Variants in COL16A1 observed in about 807,000 individuals in gnomAD.
The protein encoded by COL16A1 is collagen alpha-1(XVI) chain.
COL16A1 carries 189 observed loss-of-function variants against 266.3 expected under a neutral mutation model. The ratio of observed to expected loss-of-function variants is 0.71; its 90% CI spans 0.63 to 0.80. The LOEUF is 0.80. COL16A1 is among the 30% of genes least tolerant of loss of function. COL16A1 has a pLI of 0.00. For synonymous variants in COL16A1, 740 were observed against 782.3 expected, an observed-to-expected ratio of 0.95 and a Z score of 0.90; for missense variants, 1,928 against 2,122.4, an observed-to-expected ratio of 0.91 and a Z score of 1.80.
intron 56 of COL16A1, 101 bp downstream of exon 56, chr1:31,665,071 A>C: frequency 6.6e-7 from 1 of 1,520,102 alleles, no homozygotes; most frequent in Non-Finnish European, 8.9e-7. Context: ...CAACTGGGTC[A>C]GTCTTGGAAT....
Position 31,670,436 on chromosome 1 carries a change from CAAGCTGCCGG to C in COL16A1, c.3195+156_3195+165del. 1.2e-6 allele frequency: 1 copy of C among 838,898 alleles called. No homozygotes were observed. Among genetic ancestry groups the C allele is most frequent in the Non-Finnish European group, 1.7e-6 (1 of 603,076 alleles). 52.0% of individuals were successfully genotyped at this position (838,898 alleles called of 1,614,324 possible). The stretch of plus-strand genomic sequence containing the variant: ...AGGAGTCAGAGACTGGGAGGATGTC[CAAGCTGCCGG>C]GACCTCAGAGAACCCGTGTCGTTAG... On this transcript the variant is annotated intron_variant, in intron 49 of 70. Transcript: ENST00000373672. The surrounding 1 kb of genome is among the most constrained non-coding windows in gnomAD (Gnocchi z 4.5).
intron 34 of COL16A1, 123 bp from the exon 35 acceptor site, chr1:31,683,492 C>T: frequency 6.3e-7 from 1 of 1,589,558 alleles, no homozygotes; most frequent in Non-Finnish European, 8.6e-7. Context: ...GAAGAGCTCC[C>T]CAAGGAGACC....
chr1:31,672,340 C>T (rs1231567585), intron 47 of COL16A1, 76 bp downstream of exon 47: 5 of 1,553,642 alleles, frequency 3.2e-6, no homozygotes, highest in South Asian at 2.3e-5. Flanking sequence ...GGTGAGGCCT[C>T]GGAGGCCCCC....
chr1:31,688,331 C>T lies in COL16A1; in HGVS notation c.1803+136G>A. 1.0e-6 allele frequency: 1 copy of T among 981,054 alleles called. No homozygotes were observed. The highest frequency in any genetic ancestry group is 1.9e-5 in the Admixed American group (1 of 51,860). The allele number at this position is 981,054 out of a possible 1,614,324, so 60.8% of individuals were successfully genotyped here. On this transcript the variant is annotated intron_variant, in intron 26 of 70. Transcript: ENST00000373672. The surrounding 1 kb of genome is among the most constrained non-coding windows in gnomAD (Gnocchi z 4.9). Reference sequence around the variant, plus strand: ...TTCTTTGACTCAAGTCTGCAAAACACTAGTAAATTAATTTCACTGTGAATT... The same window carrying T: ...TTCTTTGACTCAAGTCTGCAAAACATTAGTAAATTAATTTCACTGTGAATT...
rs1640733767 is a variant in COL16A1 at position 31,652,724 on chromosome 1, G to C, written c.4742C>G (p.Ser1581Cys). Reference protein sequence around the residue: ...QPGKAGHCNPSDCFGAMPMEQ... With the variant: ...QPGKAGHCNPCDCFGAMPMEQ... ...CATCGGCATGGCCCCAAAGCAGTCA[G>C]AGGGATTACAGTGGCCAGCCTTGCC... The change falls in exon 71 of 71, where the codon TCT (serine) becomes TGT (cysteine). Residue 1581 changes from serine (S) to cysteine (C), a missense_variant. Physicochemically the swap from Ser to Cys is moderately radical, Grantham distance 112. Transcript: ENST00000373672. This position sits in a 1 kb window ranked among gnomAD's most constrained non-coding sequence, Gnocchi z 4.8. 1.9e-6 allele frequency: 3 copies of C among 1,608,108 alleles called. No homozygotes were observed. The highest frequency in any genetic ancestry group is 2.5e-6 in the Non-Finnish European group (3 of 1,178,390).
chr1:31,655,230 C>G (rs536288802), intron 67 of COL16A1, 84 bp downstream of exon 67: 1 of 1,524,472 alleles, frequency 6.6e-7, no homozygotes, highest in Non-Finnish European at 8.8e-7. Context: ...AGAATGTCAG[C>G]AGGAGCTTGG....
At chr1:31,684,794 C>A (rs772620068) in intron 30 of COL16A1, 27 bp downstream of exon 30, 2 of 1,613,944 alleles carry the variant, frequency 1.2e-6, no homozygotes, top group Admixed American at 3.3e-5. Context: ...GCCATGCCCA[C>A]CCCCGTGCCC....
rs187530765 is a variant in COL16A1 at position 31,665,784 on chromosome 1, A to G, written c.3456+98T>C. ...GGCTCTGGGCATGAGGTAGGTCACA[A>G]CCCAAGGACAGGTAGGGTGGGGAGA... is the stretch of plus-strand genomic sequence containing the variant. On this transcript the variant is annotated intron_variant, in intron 54 of 70. Coordinates refer to ENST00000373672, the MANE Select transcript of COL16A1 (RefSeq NM_001856.4). 49 of 1,605,442 alleles carry G rather than the reference A, an allele frequency of 3.1e-5. No homozygotes were observed. The East Asian group carries it at 1.1e-3, about 34-fold the overall frequency.
At position 31,698,434 on chromosome 1, in the gene COL16A1, G is replaced by A. The variant is rs1292529161; in HGVS notation, c.390+49C>T. The A allele has an allele frequency of 1.2e-6, 2 of 1,610,082 alleles. No homozygotes were observed. Among genetic ancestry groups the A allele is most frequent in the East Asian group, 2.2e-5 (1 of 44,840 alleles). The stretch of plus-strand genomic sequence containing the variant: ...GCCGGGATGAAAGGTGGGCTGGACT[G>A]GTGCTACCCAATGCCCTAAGAGGCA... On this transcript the variant is annotated intron_variant, in intron 5 of 70. Coordinates refer to ENST00000373672, the MANE Select transcript of COL16A1 (RefSeq NM_001856.4). This position sits in a 1 kb window ranked among gnomAD's most constrained non-coding sequence, Gnocchi z 4.1.
chr1:31,702,115 T>C lies in COL16A1; in HGVS notation c.73+6A>G. 1 of 1,614,016 alleles carries C rather than the reference T, an allele frequency of 6.2e-7. No homozygotes were observed. Among genetic ancestry groups the C allele is most frequent in the Non-Finnish European group, 8.5e-7 (1 of 1,179,950 alleles). ...GTGATACTGTGACTCTCCTGTGTCATCTCACCTGTATTTGCCCCATGGCCG... is the reference window on the plus strand; with the variant it reads ...GTGATACTGTGACTCTCCTGTGTCACCTCACCTGTATTTGCCCCATGGCCG... On this transcript the variant is annotated splice_donor_region_variant and intron_variant, in intron 2 of 70. Coordinates refer to ENST00000373672, the MANE Select transcript of COL16A1 (RefSeq NM_001856.4).
intron 40 of COL16A1, 22 bp downstream of exon 40, chr1:31,680,020 A>G: frequency 6.2e-7 from 1 of 1,613,304 alleles, no homozygotes; most frequent in Non-Finnish European, 8.5e-7. Flanking sequence ...AGTTGGGGGA[A>G]GGCTCTCACA....
chr1:31,697,866 G>A lies in COL16A1; in HGVS notation c.657+40C>T, dbSNP rs1459707419. ...TCCAGGAAGCCCACTCAGGTTCCCA[G>A]AAGGCAGGAACAGAGGTCAGGGCCT... On this transcript the variant is annotated intron_variant, in intron 6 of 70. Transcript: ENST00000373672. The surrounding 1 kb of genome is among the most constrained non-coding windows in gnomAD (Gnocchi z 4.2). 6.4e-7 allele frequency: 1 copy of A among 1,554,732 alleles called. No homozygotes were observed. The highest frequency in any genetic ancestry group is 8.7e-7 in the Non-Finnish European group (1 of 1,150,424).
chr1:31,665,981 C>G, intron 53 of COL16A1, 46 bp from the exon 54 acceptor site: 1 of 1,613,928 alleles, frequency 6.2e-7, no homozygotes, highest in Non-Finnish European at 8.5e-7. Context: ...ATCTTCCTGC[C>G]CTCAGACCCC....
chr1:31,692,523 G>C lies in COL16A1; in HGVS notation c.1159-14C>G. The C allele has an allele frequency of 6.2e-7, 1 of 1,614,006 alleles. No individual in the cohort carries two copies. The highest frequency in any genetic ancestry group is 1.1e-5 in the South Asian group (1 of 91,076). ...TCCTGAGGGTCCCTGAGATGAGGAA[G>C]GGAGACAGAGGAAGGGAGGGTAAGG... On this transcript the variant is annotated splice_polypyrimidine_tract_variant and intron_variant, in intron 15 of 70. Coordinates refer to ENST00000373672, the MANE Select transcript of COL16A1 (RefSeq NM_001856.4).
chr1:31,668,248 C>T lies in COL16A1; in HGVS notation c.3250-30G>A. The T allele has an allele frequency of 6.2e-7, 1 of 1,610,794 alleles. No individual in the cohort carries two copies. Reference sequence around the variant, plus strand: ...AAAGAAAGGCAGACATGATGGATAGCCCCCCAACATTTCTGTTCTCCCCTC... The same window carrying T: ...AAAGAAAGGCAGACATGATGGATAGTCCCCCAACATTTCTGTTCTCCCCTC... On this transcript the variant is annotated intron_variant, in intron 50 of 70. Coordinates refer to ENST00000373672, the MANE Select transcript of COL16A1 (RefSeq NM_001856.4). The surrounding 1 kb of genome is among the most constrained non-coding windows in gnomAD (Gnocchi z 5.8).
intron 42 of COL16A1, among the ~76,000 whole-genome samples, chr1:31,676,546 CTACCTGTA>C (rs1643202258): frequency 6.6e-6 from 1 of 152,142 alleles, no homozygotes; most frequent in Non-Finnish European, 1.5e-5. Flanking sequence ...AAAATTCTGA[CTACCTGTA>C]TAACTTTTGG....
At chr1:31,686,349 A>G (rs1367155511) in intron 26 of COL16A1, 70 bp from the exon 27 acceptor site, 1 of 1,605,532 alleles carries the variant, frequency 6.2e-7, no homozygotes, top group Admixed American at 1.7e-5. Context: ...TCCCAAACCC[A>G]AAACTGTAAA....
chr1:31,693,443 G>T (rs1384378455), intron 12 of COL16A1, among the ~76,000 whole-genome samples: 1 of 152,122 alleles, frequency 6.6e-6, no homozygotes, highest in Non-Finnish European at 1.5e-5. Flanking sequence ...AAGCACATCA[G>T]CTCACACACA....
intron 70 of COL16A1, 142 bp downstream of exon 70, chr1:31,653,457 T>G: frequency 9.8e-7 from 1 of 1,015,354 alleles, no homozygotes. Context: ...CAGAGTGTCT[T>G]GCACACAGTG....
Sources: allele counts gnomAD v4.1 joint callset (sites outside exome capture counted in the v4.1 genomes callset), GRCh38; gene constraint gnomAD v4.1.1; non-coding constraint Gnocchi (gnomAD v3.1); transcripts MANE v1.5; gene names NCBI Gene and HGNC (gene_info 2026-07-23, HGNC 2026-07-21).